Variants in IGSF21 observed in about 807,000 individuals in gnomAD.
The protein encoded by IGSF21 is immunoglobulin superfamily member 21.
Under a neutral mutation model 46.8 loss-of-function variants are expected in IGSF21, and 28 were observed. The observed-to-expected ratio is 0.60, with a 90% CI of 0.44 to 0.82. The LOEUF (loss-of-function observed/expected upper bound fraction) is 0.82. Ranked by LOEUF, IGSF21 falls within the 40% of genes least tolerant of loss-of-function variation. IGSF21 has a pLI of 0.00. For synonymous variants in IGSF21, 284 were observed against 273.6 expected (o/e 1.04, Z -0.38); for missense variants, 624 against 665.5 (o/e 0.94, Z 0.69).
intron 3 of IGSF21, among the ~76,000 whole-genome samples, chr1:18,314,899 C>T (rs2085525440): frequency 6.6e-6 from 1 of 152,098 alleles, no homozygotes; most frequent in African/African-American, 2.4e-5. Flanking sequence ...GGGACTCTTG[C>T]TGGGGGTCCC....
intron 1 of IGSF21, among the ~76,000 whole-genome samples, chr1:18,204,548 T>A (rs886165904): frequency 6.6e-6 from 1 of 152,150 alleles, no homozygotes; most frequent in Non-Finnish European, 1.5e-5. Context: ...ATCTGTTGGT[T>A]TGACGTCTCT....
At chr1:18,262,807 G>T (rs542876935) in intron 2 of IGSF21, among the ~76,000 whole-genome samples, 2 of 152,328 alleles carry the variant, frequency 1.3e-5, no homozygotes, top group East Asian at 3.9e-4. Flanking sequence ...CTTTACTAGA[G>T]ACCTGGCCTC....
rs1467447569 is a variant in IGSF21 at position 18,330,593 on chromosome 1, CTGGAGGAAGGGG to C, written c.306-4298_306-4287del. ...GGAGAAGGGAAGGTGGGAGACATGG[CTGGAGGAAGGGG>C]CAGGGGCGTGGGAGAAGGGAAGGTG... On this transcript the variant is annotated intron_variant, in intron 3 of 9. Transcript: ENST00000251296. Among the ~76,000 whole-genome samples the C allele has an allele frequency of 4.2e-3, 313 of 73,914 alleles. 5 individuals carry two copies. The highest frequency in any genetic ancestry group is 9.9e-3 in the African/African-American group (300 of 30,200). The allele number at this position is 73,914 out of a possible 152,430, so 48.5% of individuals were successfully genotyped here. A position where few individuals can be genotyped will look rare whatever the true frequency, so the allele number is the denominator to read the frequency against.
At chr1:18,352,321 T>A (rs193004762) in intron 4 of IGSF21, among the ~76,000 whole-genome samples, 1 of 152,256 alleles carries the variant, frequency 6.6e-6, no homozygotes, top group Admixed American at 6.5e-5. Flanking sequence ...AACTGAAGCT[T>A]ACATAGATTA....
intron 3 of IGSF21, among the ~76,000 whole-genome samples, chr1:18,297,815 TA>T (rs147313609): frequency 0.23 from 34,353 of 151,708 alleles, 4,592 homozygotes; most frequent in African/African-American, 0.37. Context: ...GTTGCATTAT[TA>T]TTTTTTTTCT....
At chr1:18,352,748 T>C (rs965960422) in intron 4 of IGSF21, among the ~76,000 whole-genome samples, 2 of 152,250 alleles carry the variant, frequency 1.3e-5, no homozygotes, top group South Asian at 2.1e-4. Context: ...GAGCCTCCAG[T>C]TGGGGCTGTT....
chr1:18,242,657 C>T (rs548746159), intron 2 of IGSF21, among the ~76,000 whole-genome samples: 9 of 152,310 alleles, frequency 5.9e-5, no homozygotes, highest in Admixed American at 3.9e-4. Context: ...GTGCTTTCAA[C>T]GTTCCCCTTC....
intron 2 of IGSF21, among the ~76,000 whole-genome samples, chr1:18,259,142 TC>T (rs2084917930): frequency 6.6e-6 from 1 of 152,154 alleles, no homozygotes; most frequent in Non-Finnish European, 1.5e-5. Flanking sequence ...ACCTGCCACA[TC>T]CCCTCGGGGC....
At chr1:18,369,028 C>T (rs754921237) in intron 6 of IGSF21, among the ~76,000 whole-genome samples, 1 of 152,298 alleles carries the variant, frequency 6.6e-6, no homozygotes, top group African/African-American at 2.4e-5. Flanking sequence ...TGGGCACCCC[C>T]ACTCATCATC....
chr1:18,242,675 T>G (rs1353194226), intron 2 of IGSF21, among the ~76,000 whole-genome samples: 4 of 152,228 alleles, frequency 2.6e-5, no homozygotes, highest in Non-Finnish European at 5.9e-5. Context: ...TTCAACCCTC[T>G]TTACTCTATG....
chr1:18,378,176 G>C (rs760096587), intron 9 of IGSF21, 80 bp from the exon 10 acceptor site: 49 of 1,189,814 alleles, frequency 4.1e-5, no homozygotes, highest in Non-Finnish European at 5.6e-5. Context: ...CAGCGTCTTT[G>C]TTGGGGACCT....
At chr1:18,265,988 C>T (rs2084986121) in intron 2 of IGSF21, among the ~76,000 whole-genome samples, 2 of 152,120 alleles carry the variant, frequency 1.3e-5, no homozygotes, top group South Asian at 4.1e-4. Flanking sequence ...TTAATGCAGC[C>T]TTGATGAAGC....
At chr1:18,110,180 C>G (rs1177652957) in intron 1 of IGSF21, 1 of 152,416 alleles carries the variant, frequency 6.6e-6, no homozygotes, top group African/African-American at 2.4e-5. Context: ...AGCTCCGCTG[C>G]TCAGGATGAA....
chr1:18,123,722 C>T (rs2086253373), intron 1 of IGSF21, among the ~76,000 whole-genome samples: 1 of 151,916 alleles, frequency 6.6e-6, no homozygotes, highest in African/African-American at 2.4e-5. Flanking sequence ...GATACAACAG[C>T]AAGGATAAAG....
At chr1:18,210,458 G>A (rs1301720165) in intron 1 of IGSF21, among the ~76,000 whole-genome samples, 2 of 152,226 alleles carry the variant, frequency 1.3e-5, no homozygotes, top group East Asian at 3.8e-4. Context: ...AATGTCAGGT[G>A]TTAGGCATAG....
intron 6 of IGSF21, among the ~76,000 whole-genome samples, chr1:18,375,017 G>A (rs1557667299): frequency 6.6e-6 from 1 of 152,118 alleles, no homozygotes; most frequent in African/African-American, 2.4e-5. Context: ...CCTGTGCCTG[G>A]AATATGCCTC....
chr1:18,132,785 C>T (rs986527643), intron 1 of IGSF21, among the ~76,000 whole-genome samples: 1 of 152,054 alleles, frequency 6.6e-6, no homozygotes, highest in Non-Finnish European at 1.5e-5. Flanking sequence ...CAAACTTCCC[C>T]ATGATGCCCT....
At chr1:18,147,715 T>G (rs1313843364) in intron 1 of IGSF21, among the ~76,000 whole-genome samples, 1 of 152,206 alleles carries the variant, frequency 6.6e-6, no homozygotes, top group East Asian at 1.9e-4. Context: ...GTTCTAGGTT[T>G]GCATATACAT....
chr1:18,180,185 T>C (rs2086842942), intron 1 of IGSF21, among the ~76,000 whole-genome samples: 2 of 152,202 alleles, frequency 1.3e-5, no homozygotes, highest in African/African-American at 2.4e-5. Flanking sequence ...TAGGGTATAA[T>C]AGAATATACG....
Sources: allele counts gnomAD v4.1 joint callset (sites outside exome capture counted in the v4.1 genomes callset), GRCh38; gene constraint gnomAD v4.1.1; transcripts MANE v1.5; gene names NCBI Gene and HGNC (gene_info 2026-07-23, HGNC 2026-07-21).